The following MAGI2 variants were observed in gnomAD, a reference collection of about 807,000 sequenced individuals.
The protein encoded by MAGI2 is membrane-associated guanylate kinase, WW and PDZ domain-containing protein 2.
In MAGI2, 35 loss-of-function variants were observed where a neutral mutation model predicts 133.3. The observed-to-expected ratio is 0.26, with a 90% confidence interval of 0.20 to 0.35. MAGI2 has a LOEUF of 0.35. Among genes scored for constraint, MAGI2 ranks in the 10% least tolerant of loss-of-function variants. The pLI is 1.00. For synonymous variants in MAGI2, 729 were observed against 710.6 expected (o/e 1.03, Z -0.41); for missense variants, 1,636 against 1,863.4 (o/e 0.88, Z 2.25).
intron 2 of MAGI2, among the ~76,000 whole-genome samples, chr7:78,636,670 C>T (rs1372151248): frequency 1.3e-5 from 2 of 151,918 alleles, no homozygotes; most frequent in Admixed American, 6.6e-5. Context: ...TGGTGGCGGG[C>T]GCCTGTAGTC....
At chr7:78,408,926 A>G (rs1424920420) in intron 6 of MAGI2, among the ~76,000 whole-genome samples, 1 of 152,080 alleles carries the variant, frequency 6.6e-6, no homozygotes, top group Non-Finnish European at 1.5e-5. Flanking sequence ...GGATAATACT[A>G]CTACAGACCA....
intron 1 of MAGI2, among the ~76,000 whole-genome samples, chr7:79,420,420 C>T (rs1425899759): frequency 2.0e-5 from 3 of 151,972 alleles, no homozygotes; most frequent in Non-Finnish European, 4.4e-5. Context: ...TACAACCCCG[C>T]AGGAGTTCTG....
intron 7 of MAGI2, among the ~76,000 whole-genome samples, chr7:78,368,131 G>A (rs1793568294): frequency 6.6e-6 from 1 of 152,122 alleles, no homozygotes; most frequent in African/African-American, 2.4e-5. Context: ...GTTAAGACAA[G>A]TGCTCCTGAG....
At position 78,160,126 on chromosome 7, in the gene MAGI2, C is replaced by T; in HGVS notation, c.2744G>A (p.Ser915Asn). 1 of 1,612,070 alleles carries T rather than the reference C, an allele frequency of 6.2e-7. No homozygotes were observed. The highest frequency in any genetic ancestry group is 8.5e-7 in the Non-Finnish European group (1 of 1,179,088). ...AATGACCACATCACTGGTCTGCAGGCTGTGGGAGGCGAAGCCTTCAGGGGG... is the reference window on the plus strand; with the variant it reads ...AATGACCACATCACTGGTCTGCAGGTTGTGGGAGGCGAAGCCTTCAGGGGG... Reference protein sequence around the residue: ...ASPPEGFASHSLQTSDVVIHR... With the variant: ...ASPPEGFASHNLQTSDVVIHR... Residue 915 changes from serine to asparagine, a missense_variant, in exon 16 of 22, where the codon AGC (serine) becomes AAC (asparagine). By Grantham distance (46) the Ser-to-Asn change is conservative. Around this residue, in one of 5 missense-constraint regions of MAGI2, gnomAD observed 920 missense variants for 1,093.5 expected, o/e 0.84. Coordinates refer to ENST00000354212, the MANE Select transcript of MAGI2 (RefSeq NM_012301.4).
intron 20 of MAGI2, among the ~76,000 whole-genome samples, chr7:78,084,266 C>T (rs1816371778): frequency 6.6e-6 from 1 of 152,204 alleles, no homozygotes; most frequent in South Asian, 2.1e-4. Context: ...GGCTAATGAT[C>T]TGAGGTCACA....
chr7:79,409,421 G>A lies in MAGI2; in HGVS notation c.301+43599C>T, dbSNP rs189427732. Among the ~76,000 whole-genome samples, 4 of 151,754 alleles carry A rather than the reference G, an allele frequency of 2.6e-5. No individual in the cohort carries two copies. The East Asian group carries it at 7.8e-4, about 30-fold the overall frequency. ...ATTACAGACAAGCACAAGCCACTGTGCCTGGCTTAAAATACCTTTTTTGAC... is the reference window on the plus strand; with the variant it reads ...ATTACAGACAAGCACAAGCCACTGTACCTGGCTTAAAATACCTTTTTTGAC... On this transcript the variant is annotated intron_variant, in intron 1 of 21. Coordinates refer to ENST00000354212, the MANE Select transcript of MAGI2 (RefSeq NM_012301.4).
intron 1 of MAGI2, among the ~76,000 whole-genome samples, chr7:79,381,857 G>A (rs1450124209): frequency 1.3e-5 from 2 of 151,620 alleles, no homozygotes; most frequent in African/African-American, 4.8e-5. Context: ...TTATAAACAT[G>A]TTATTAGTAA....
Position 78,418,919 on chromosome 7 carries a change from C to G in MAGI2, c.1046-49706G>C, listed in dbSNP as rs532099744. ...AATATATTATTTTTGTCTTTGCTGACAAACAGCAATAAGGTCTGAATATTG... is the reference window on the plus strand; with the variant it reads ...AATATATTATTTTTGTCTTTGCTGAGAAACAGCAATAAGGTCTGAATATTG... On this transcript the variant is annotated intron_variant, in intron 6 of 21. Transcript: ENST00000354212. Among the ~76,000 whole-genome samples the G allele has an allele frequency of 9.2e-5, 14 of 152,184 alleles. No homozygotes were observed. The South Asian group carries it at 2.9e-3, about 32-fold the overall frequency.
intron 1 of MAGI2, among the ~76,000 whole-genome samples, chr7:79,141,359 C>A (rs1822114924): frequency 1.3e-5 from 2 of 152,090 alleles, no homozygotes; most frequent in Non-Finnish European, 2.9e-5. Flanking sequence ...GTTACTGAGT[C>A]CTCCCAGTTT....
intron 9 of MAGI2, among the ~76,000 whole-genome samples, chr7:78,323,661 C>A (rs777149021): frequency 6.6e-6 from 1 of 152,112 alleles, no homozygotes. Context: ...CCCCCGGCCC[C>A]ATAGAACCTA....
intron 1 of MAGI2, among the ~76,000 whole-genome samples, chr7:79,447,276 C>G (rs944441799): frequency 6.6e-6 from 1 of 151,932 alleles, no homozygotes; most frequent in African/African-American, 2.4e-5. Flanking sequence ...TATTATATTA[C>G]TAAGTTTTCT....
At chr7:78,793,895 A>T (rs1207643252) in intron 2 of MAGI2, among the ~76,000 whole-genome samples, 1 of 152,172 alleles carries the variant, frequency 6.6e-6, no homozygotes, top group East Asian at 1.9e-4. Context: ...GATAGAATCC[A>T]TGAAGATCTC....
At chr7:78,336,600 C>G (rs1022158022) in intron 9 of MAGI2, among the ~76,000 whole-genome samples, 4 of 152,062 alleles carry the variant, frequency 2.6e-5, no homozygotes, top group Non-Finnish European at 5.9e-5. Flanking sequence ...TGGTGCAAGC[C>G]TGTGGTTCTA....
intron 3 of MAGI2, among the ~76,000 whole-genome samples, chr7:78,584,683 A>T (rs1461902491): frequency 6.6e-6 from 1 of 152,150 alleles, no homozygotes; most frequent in African/African-American, 2.4e-5. Context: ...GTGTGATTGA[A>T]GAAGGTGGCT....
intron 2 of MAGI2, among the ~76,000 whole-genome samples, chr7:78,910,715 T>C (rs975814646): frequency 2.0e-5 from 3 of 152,234 alleles, no homozygotes; most frequent in Non-Finnish European, 4.4e-5. Context: ...TTATCCTTTA[T>C]ATATTTTCTA....
chr7:78,727,397 A>ACT (rs1237010461), intron 2 of MAGI2, among the ~76,000 whole-genome samples: 1 of 152,120 alleles, frequency 6.6e-6, no homozygotes, highest in African/African-American at 2.4e-5. Flanking sequence ...ACTTTACTAC[A>ACT]CTCTAAGTGC....
intron 1 of MAGI2, among the ~76,000 whole-genome samples, chr7:79,154,244 A>T (rs1442759097): frequency 1.3e-5 from 2 of 152,238 alleles, no homozygotes; most frequent in Admixed American, 6.5e-5. Flanking sequence ...TCAATAAAGT[A>T]GTCATTGAAT....
chr7:79,298,675 A>G (rs73154930), intron 1 of MAGI2, among the ~76,000 whole-genome samples: 24,114 of 152,096 alleles, frequency 0.16, 2,013 homozygotes, highest in South Asian at 0.26. Context: ...CCCAAAATTC[A>G]TATGTTGAAG....
chr7:78,320,986 G>A (rs1271255427), intron 9 of MAGI2, among the ~76,000 whole-genome samples: 6 of 151,908 alleles, frequency 3.9e-5, no homozygotes, highest in Non-Finnish European at 8.8e-5. Flanking sequence ...ATAACAAACA[G>A]ACAGCCAAAT....
Sources: gnomAD v4.1 joint callset for allele counts (sites outside exome capture counted in the v4.1 genomes callset) on GRCh38, gnomAD v4.1.1 for gene constraint, gnomAD v4.1.1 regional missense constraint, MANE v1.5 for transcripts, NCBI Gene and HGNC (gene_info 2026-07-23, HGNC 2026-07-21) for gene names.